MCCC1: variants seen among roughly 807,000 people sequenced by gnomAD.
The protein encoded by MCCC1 is methylcrotonyl-CoA carboxylase subunit 1.
In MCCC1, 64 loss-of-function variants were observed where a neutral mutation model predicts 83.8. The ratio of observed to expected loss-of-function variants is 0.76; its 90% CI spans 0.62 to 0.94. The LOEUF is 0.94. Ranked by LOEUF, MCCC1 falls within the 40% of genes least tolerant of loss-of-function variation. The pLI, the probability that MCCC1 is intolerant of heterozygous loss-of-function variation, is 0.00. For missense variants in MCCC1, 807 were observed against 904.7 expected, an observed-to-expected ratio of 0.89 and a Z score of 1.39; for synonymous variants, 322 against 315.4, an observed-to-expected ratio of 1.02 and a Z score of -0.22.
intron 13 of MCCC1, 107 bp from the exon 14 acceptor site, chr3:183,034,184 C>T (rs1383621676): frequency 6.3e-6 from 5 of 787,980 alleles, no homozygotes; most frequent in East Asian, 5.3e-5. Context: ...GGCACAGTGG[C>T]TCATGCCTGT....
chr3:183,105,630 A>C (rs1719390284), intron 1 of MCCC1, among the ~76,000 whole-genome samples: 1 of 152,112 alleles, frequency 6.6e-6, no homozygotes, highest in African/African-American at 2.4e-5. Context: ...TGCGTTTCGT[A>C]CCTTAGGCCT....
At chr3:183,111,057 C>T (rs1216870008) in intron 1 of MCCC1, among the ~76,000 whole-genome samples, 12 of 152,152 alleles carry the variant, frequency 7.9e-5, no homozygotes, top group African/African-American at 2.9e-4. Context: ...AAGATGTTTA[C>T]ATATGTATTA....
intron 1 of MCCC1, among the ~76,000 whole-genome samples, chr3:183,106,507 TTTC>T (rs1719408098): frequency 6.6e-6 from 1 of 151,672 alleles, no homozygotes; most frequent in South Asian, 2.1e-4. Context: ...TCTTTCTTTC[TTTC>T]TTTTTTGAAA....
In MCCC1 at chr3:183,099,393, C is replaced by A; in HGVS notation, c.48G>T (p.Arg16Ser). The change falls in exon 1 of 19, where the codon AGG becomes AGT. Residue 16 changes from arginine (R) to serine (S), a missense_variant. Arg to Ser is a moderately radical substitution (Grantham distance 110). Transcript: ENST00000265594. ...GGCTCGGGAGACGATGCCACCGGTTCCTCTCCGCCGCCACCAGCAGCACCG... is the reference window on the plus strand; with the variant it reads ...GGCTCGGGAGACGATGCCACCGGTTACTCTCCGCCGCCACCAGCAGCACCG... ...AVSVLLVAAE[R>S]NRWHRLPSLL... is the part of the protein sequence containing the mutation. The A allele has an allele frequency of 6.2e-7, 1 of 1,605,308 alleles. No homozygotes were observed. Among genetic ancestry groups the A allele is most frequent in the South Asian group, 1.1e-5 (1 of 90,010 alleles).
At chr3:183,041,445 A>T (rs1384405985) in intron 11 of MCCC1, 122 bp downstream of exon 11, 30 of 1,074,942 alleles carry the variant, frequency 2.8e-5, no homozygotes, top group Non-Finnish European at 3.9e-5. Flanking sequence ...GAAATCACTT[A>T]AATTCTTTAT....
At chr3:183,062,673 G>T (rs1450658922) in intron 7 of MCCC1, among the ~76,000 whole-genome samples, 1 of 152,038 alleles carries the variant, frequency 6.6e-6, no homozygotes. Context: ...GGTCTTAGAA[G>T]TTGGAAACAC....
At chr3:183,025,451 T>C (rs1056191089) in intron 15 of MCCC1, among the ~76,000 whole-genome samples, 1 of 152,218 alleles carries the variant, frequency 6.6e-6, no homozygotes, top group Non-Finnish European at 1.5e-5. Context: ...ATGTGAAAAC[T>C]GCTGCTTTTG....
intron 18 of MCCC1, chr3:183,016,293 A>G (rs1560198625): frequency 6.7e-6 from 1 of 149,086 alleles, no homozygotes; most frequent in Non-Finnish European, 1.5e-5. Flanking sequence ...TGCAGTGGCA[A>G]GATCTCGGCT....
chr3:183,085,109 T>C (rs1257727628), intron 4 of MCCC1, among the ~76,000 whole-genome samples: 2 of 152,160 alleles, frequency 1.3e-5, no homozygotes, highest in African/African-American at 4.8e-5. Flanking sequence ...GAATGATCAA[T>C]GTGCTAGAGG....
At chr3:183,057,618 C>T (rs1042855968) in intron 7 of MCCC1, among the ~76,000 whole-genome samples, 196 bp from the exon 8 acceptor site, 1 of 152,208 alleles carries the variant, frequency 6.6e-6, no homozygotes, top group Admixed American at 6.5e-5. Context: ...ACGGCTCATG[C>T]CCGTAATCCC....
At chr3:183,018,724 A>G (rs1711900417) in intron 17 of MCCC1, among the ~76,000 whole-genome samples, 1 of 152,148 alleles carries the variant, frequency 6.6e-6, no homozygotes, top group African/African-American at 2.4e-5. Flanking sequence ...ATATACTTAA[A>G]TGTCTTCCCC....
Position 183,074,797 on chromosome 3 carries a change from G to A in MCCC1, c.370-2310C>T, listed in dbSNP as rs1716944125. On this transcript the variant is annotated intron_variant, in intron 4 of 18. Coordinates refer to ENST00000265594, the MANE Select transcript of MCCC1 (RefSeq NM_020166.5). ...AGGTGAATACATGTCACAGGGGTTT[G>A]TTGTACAGAGTTCGTCACCCAGGTA... 1.3e-5 allele frequency among the ~76,000 whole-genome samples: 2 copies of A among 152,216 alleles called. 1 individual carries two copies. Among genetic ancestry groups the A allele is most frequent in the South Asian group, 4.1e-4 (2 of 4,832 alleles).
rs1048129816 is a variant in MCCC1, at chr3:183,064,317, T to G, written c.761+6682A>C. ...AGTGATAACTCTGTATTCCCACAAGTGGTATATATCGTAAATATTAAAATG... is the reference window on the plus strand; with the variant it reads ...AGTGATAACTCTGTATTCCCACAAGGGGTATATATCGTAAATATTAAAATG... On this transcript the variant is annotated intron_variant, in intron 7 of 18. Transcript: ENST00000265594. The surrounding 1 kb of genome is among the most constrained non-coding windows in gnomAD (Gnocchi z 4.5). 6.3e-4 allele frequency among the ~76,000 whole-genome samples: 95 copies of G among 151,722 alleles called. 1 individual carries two copies. Among genetic ancestry groups the G allele is most frequent in the Non-Finnish European group, 2.8e-4 (19 of 67,938 alleles).
intron 1 of MCCC1, among the ~76,000 whole-genome samples, chr3:183,108,565 G>A (rs751549379): frequency 2.0e-5 from 3 of 152,112 alleles, no homozygotes; most frequent in Non-Finnish European, 2.9e-5. Context: ...ATAATTTTCT[G>A]CACTTCGCAA....
intron 13 of MCCC1, among the ~76,000 whole-genome samples, chr3:183,035,335 C>T (rs764496512): frequency 3.3e-5 from 5 of 152,108 alleles, no homozygotes; most frequent in East Asian, 1.9e-4. Context: ...TCTAAAGATG[C>T]AGTTTTCGGG....
chr3:183,105,864 T>C (rs1055305274), intron 1 of MCCC1, among the ~76,000 whole-genome samples: 1 of 151,830 alleles, frequency 6.6e-6, no homozygotes, highest in African/African-American at 2.4e-5. Flanking sequence ...CTGAGGCAGG[T>C]GGATCACGAG....
chr3:183,102,020 G>A (rs559530297), upstream of MCCC1, among the ~76,000 whole-genome samples: 7 of 152,016 alleles, frequency 4.6e-5, no homozygotes, highest in Non-Finnish European at 8.8e-5. Context: ...CAGACGCGCC[G>A]CCTTAAGAGC....
chr3:183,052,245 GA>G lies in MCCC1; in HGVS notation c.874-6del, dbSNP rs755494348. The G allele has an allele frequency of 3.2e-5, 51 of 1,612,572 alleles. No homozygotes were observed. Among genetic ancestry groups the G allele is most frequent in the Non-Finnish European group, 4.2e-5 (50 of 1,178,946 alleles). ...TACTTCAGATTTAATACCAGGCTAT[GA>G]AAAAAATATGTAAATAAATCTCCAT... On this transcript the variant is annotated splice_region_variant and splice_polypyrimidine_tract_variant and intron_variant, in intron 8 of 18. Coordinates refer to ENST00000265594, the MANE Select transcript of MCCC1 (RefSeq NM_020166.5).
intron 10 of MCCC1, among the ~76,000 whole-genome samples, chr3:183,043,253 C>T (rs1347747046): frequency 6.6e-6 from 1 of 152,240 alleles, no homozygotes; most frequent in African/African-American, 2.4e-5. Flanking sequence ...CGCCATTGCA[C>T]TCCAGCCTGG....
Sources: allele counts gnomAD v4.1 joint callset (sites outside exome capture counted in the v4.1 genomes callset), GRCh38; gene constraint gnomAD v4.1.1; non-coding constraint Gnocchi (gnomAD v3.1); transcripts MANE v1.5; gene names NCBI Gene and HGNC (gene_info 2026-07-23, HGNC 2026-07-21).